Variants in POLN observed in about 807,000 individuals in gnomAD.
POLN encodes the protein DNA polymerase N.
Under a neutral mutation model 113.5 loss-of-function variants are expected in POLN, and 108 were observed. The ratio of observed to expected loss-of-function variants is 0.95; its 90% CI spans 0.81 to 1.12. The LOEUF (loss-of-function observed/expected upper bound fraction) is 1.12. POLN is among the 50% of genes most tolerant of loss of function. The pLI, the probability that POLN is intolerant of heterozygous loss-of-function variation, is 0.00. For synonymous variants in POLN, 386 were observed against 391.5 expected, an observed-to-expected ratio of 0.99 and a Z score of 0.17; for missense variants, 1,097 against 1,077.1, an observed-to-expected ratio of 1.02 and a Z score of -0.26.
intron 19 of POLN, among the ~76,000 whole-genome samples, chr4:2,109,357 C>A (rs539806542): frequency 6.6e-6 from 1 of 152,272 alleles, no homozygotes; most frequent in South Asian, 2.1e-4. Context: ...AAATCAGCAA[C>A]ATAAATTGTA....
chr4:2,161,990 T>C (rs961239438), intron 13 of POLN, among the ~76,000 whole-genome samples: 4 of 152,082 alleles, frequency 2.6e-5, no homozygotes, highest in Non-Finnish European at 5.9e-5. Context: ...TCAGGGATTG[T>C]AAATGCACCA....
At chr4:2,085,587 G>C in intron 21 of POLN, 26 bp downstream of exon 21, 1 of 1,612,900 alleles carries the variant, frequency 6.2e-7, no homozygotes, top group Non-Finnish European at 8.5e-7. Flanking sequence ...GCAGGGAGCA[G>C]GGAGCTCTGG....
At chr4:2,233,705 T>C (rs1041089520) in intron 2 of POLN, among the ~76,000 whole-genome samples, 28 of 152,332 alleles carry the variant, frequency 1.8e-4, no homozygotes, top group African/African-American at 6.7e-4. Context: ...TAAAAATCTA[T>C]GTCTACCTAC....
At chr4:2,201,294 A>AC (rs1354239460) in intron 5 of POLN, among the ~76,000 whole-genome samples, 1 of 148,776 alleles carries the variant, frequency 6.7e-6, no homozygotes, top group Non-Finnish European at 1.5e-5. Flanking sequence ...AAAAAAAAAA[A>AC]AAAAAAAAAC....
intron 16 of POLN, among the ~76,000 whole-genome samples, chr4:2,140,186 T>G (rs1731963821): frequency 6.6e-6 from 1 of 152,132 alleles, no homozygotes; most frequent in South Asian, 2.1e-4. Context: ...CAAGTGATTG[T>G]CCTGCCTCGG....
intron 2 of POLN, chr4:2,240,823 A>T: frequency 6.2e-7 from 1 of 1,613,776 alleles, no homozygotes. Flanking sequence ...CCACAAAACC[A>T]CTTCAGAAAC....
intron 13 of POLN, among the ~76,000 whole-genome samples, chr4:2,159,556 A>T (rs1732525448): frequency 6.6e-6 from 1 of 152,244 alleles, no homozygotes; most frequent in African/African-American, 2.4e-5. Context: ...GGAGTAATGG[A>T]TTACGAGTTT....
At chr4:2,229,310 AATT>A in intron 2 of POLN, 67 bp from the exon 3 acceptor site, 1 of 1,275,642 alleles carries the variant, frequency 7.8e-7, no homozygotes, top group South Asian at 1.7e-5. Flanking sequence ...CAGGAAATAC[AATT>A]ATTTTCAAAA....
intron 16 of POLN, among the ~76,000 whole-genome samples, chr4:2,149,166 C>T (rs1030108644): frequency 3.3e-5 from 5 of 152,020 alleles, no homozygotes; most frequent in Non-Finnish European, 5.9e-5. Context: ...CAGTGGTATG[C>T]GCCTGTAGTC....
At chr4:2,216,651 G>C (rs1318242725) in intron 3 of POLN, among the ~76,000 whole-genome samples, 2 of 152,222 alleles carry the variant, frequency 1.3e-5, no homozygotes. Flanking sequence ...GTGAAACTTG[G>C]GTGATGGAGC....
At chr4:2,165,330 G>C (rs943374810) in intron 13 of POLN, among the ~76,000 whole-genome samples, 9 of 152,290 alleles carry the variant, frequency 5.9e-5, no homozygotes, top group Admixed American at 5.2e-4. Flanking sequence ...AATCCGAAAA[G>C]GCTACATACT....
chr4:2,123,641 A>G (rs545347068), intron 19 of POLN, among the ~76,000 whole-genome samples: 125 of 150,770 alleles, frequency 8.3e-4, no homozygotes, highest in African/African-American at 2.4e-3. Context: ...AAAAAAAAAA[A>G]AAAAGAAAAA....
intron 2 of POLN, chr4:2,240,958 C>T (rs752857799): frequency 3.2e-6 from 5 of 1,575,234 alleles, no homozygotes; most frequent in Non-Finnish European, 4.3e-6. Flanking sequence ...GTTTTAACTA[C>T]CCCAATTTTG....
At chr4:2,144,530 T>C (rs949791805) in intron 16 of POLN, among the ~76,000 whole-genome samples, 4 of 152,304 alleles carry the variant, frequency 2.6e-5, no homozygotes, top group East Asian at 3.9e-4. Flanking sequence ...CCAGCTATTA[T>C]GAAAAATGCT....
intron 12 of POLN, 96 bp downstream of exon 12, chr4:2,171,002 G>T: frequency 8.6e-7 from 1 of 1,157,836 alleles, no homozygotes; most frequent in Non-Finnish European, 1.2e-6. Flanking sequence ...TTTTCAGATA[G>T]TTGACATAAA....
In POLN at chr4:2,085,736, G is replaced by T; in HGVS notation, c.2074C>A (p.Arg692=). The T allele has an allele frequency of 6.2e-7, 1 of 1,613,694 alleles. No individual in the cohort carries two copies. Among genetic ancestry groups the T allele is most frequent in the Non-Finnish European group, 8.5e-7 (1 of 1,180,016 alleles). ...YAVVYGAGKE[R]LAACLGVPIQ... ...GGAACTCCAAGGCAAGCAGCCAGCC[G>T]CTCCTTCCCTGTCAGTCAGAGAGAC... The change falls in exon 21 of 26, where the codon CGG becomes AGG. Residue 692 remains arginine (R), a synonymous_variant. Coordinates refer to ENST00000511885, the MANE Select transcript of POLN (RefSeq NM_181808.4).
At chr4:2,232,782 G>C (rs1235835625) in intron 2 of POLN, among the ~76,000 whole-genome samples, 1 of 152,066 alleles carries the variant, frequency 6.6e-6, no homozygotes, top group African/African-American at 2.4e-5. Context: ...TCAGTGTCTA[G>C]CATTTAAACC....
intron 2 of POLN, chr4:2,232,111 T>C (rs140434271): frequency 1.0e-5 from 16 of 1,598,424 alleles, no homozygotes; most frequent in Admixed American, 1.8e-5. Context: ...GAGGAGATGA[T>C]TTAGCTTATT....
At chr4:2,109,164 T>A (rs1731136311) in intron 19 of POLN, among the ~76,000 whole-genome samples, 1 of 152,166 alleles carries the variant, frequency 6.6e-6, no homozygotes, top group Non-Finnish European at 1.5e-5. Context: ...GCAATATCAT[T>A]TAGGAGGAAA....
Sources: gnomAD v4.1 joint callset for allele counts (sites outside exome capture counted in the v4.1 genomes callset) on GRCh38, gnomAD v4.1.1 for gene constraint, MANE v1.5 for transcripts, NCBI Gene and HGNC (gene_info 2026-07-23, HGNC 2026-07-21) for gene names.